Variants in RNF24 observed in about 807,000 individuals in gnomAD.
RNF24 encodes the protein ring finger protein 24.
Under a neutral mutation model 20.0 loss-of-function variants are expected in RNF24, and 14 were observed. The ratio of observed to expected loss-of-function variants is 0.70; its 90% CI spans 0.46 to 1.10. RNF24 has a LOEUF of 1.10. Among genes scored for constraint, RNF24 ranks in the 50% least tolerant of loss-of-function variants. RNF24 has a pLI of 0.00. For synonymous variants in RNF24, 45 were observed against 61.1 expected (o/e 0.74, Z 1.23); for missense variants, 124 against 177.6 (o/e 0.70, Z 1.71).
At position 3,933,078 on chromosome 20, in the gene RNF24, T is replaced by G. The variant is rs2090844293; in HGVS notation, c.*985A>C. 1 of 395,576 alleles carries G rather than the reference T, an allele frequency of 2.5e-6. No homozygotes were observed. Among genetic ancestry groups the G allele is most frequent in the South Asian group, 1.3e-4 (1 of 7,636 alleles). The allele number at this position is 395,576 out of a possible 1,614,324, so 24.5% of individuals were successfully genotyped here. On this transcript the variant is annotated 3_prime_UTR_variant, in exon 6 of 6. Coordinates refer to ENST00000358395, the MANE Select transcript of RNF24 (RefSeq NM_001134337.3). ...GAATGACAGGCTTTTTTTTTTTTTT[T>G]TTTTTTTTTCTGAAGTAGAAAGAGA... is the stretch of plus-strand genomic sequence containing the variant.
At chr20:3,973,304 T>C (rs1253752092) in intron 1 of RNF24, among the ~76,000 whole-genome samples, 3 of 151,086 alleles carry the variant, frequency 2.0e-5, no homozygotes, top group African/African-American at 7.3e-5. Context: ...AACGCACACA[T>C]AAGAAAATAA....
intron 1 of RNF24, among the ~76,000 whole-genome samples, chr20:4,000,982 T>C (rs990777807): frequency 1.3e-5 from 2 of 152,080 alleles, no homozygotes; most frequent in Non-Finnish European, 2.9e-5. Flanking sequence ...CAAAAATATA[T>C]GTGGCCAGGC....
intron 1 of RNF24, among the ~76,000 whole-genome samples, chr20:3,988,360 T>C (rs762767468): frequency 6.6e-6 from 1 of 151,678 alleles, no homozygotes; most frequent in Non-Finnish European, 1.5e-5. Flanking sequence ...ATAAAAAAAA[T>C]TGGTGTGTCC....
At chr20:4,014,789 C>T (rs1000394405) in intron 1 of RNF24, among the ~76,000 whole-genome samples, 3 of 149,656 alleles carry the variant, frequency 2.0e-5, no homozygotes, top group Non-Finnish European at 4.4e-5. Context: ...CATTAGGTCT[C>T]CAGAAACAAA....
At chr20:3,966,133 CAAAAAAAAAAA>C (rs574975352) in intron 1 of RNF24, among the ~76,000 whole-genome samples, 3 of 81,476 alleles carry the variant, frequency 3.7e-5, no homozygotes, top group East Asian at 4.1e-4. Context: ...GATTCCATCT[CAAAAAAAAAAA>C]AAAAAAAAAA....
intron 2 of RNF24, among the ~76,000 whole-genome samples, chr20:3,954,089 A>G (rs1195945452): frequency 6.6e-6 from 1 of 151,894 alleles, no homozygotes; most frequent in Non-Finnish European, 1.5e-5. Context: ...TCATTCTTTT[A>G]TTTTTACTCA....
chr20:4,003,789 T>G (rs560925813), intron 1 of RNF24, among the ~76,000 whole-genome samples: 1 of 151,848 alleles, frequency 6.6e-6, no homozygotes, highest in South Asian at 2.1e-4. Flanking sequence ...ATTACAGGCA[T>G]GTGCCACCAC....
intron 1 of RNF24, among the ~76,000 whole-genome samples, chr20:3,992,082 C>T (rs1208778568): frequency 5.3e-5 from 8 of 152,152 alleles, no homozygotes; most frequent in African/African-American, 1.7e-4. Context: ...TCCAGTGTAG[C>T]AATACAATAC....
rs2090847861 is a variant in RNF24 at position 3,933,299 on chromosome 20, A to G, written c.*764T>C. 1.0e-5 allele frequency: 4 copies of G among 397,652 alleles called. No homozygotes were observed. Among genetic ancestry groups the G allele is most frequent in the Non-Finnish European group, 1.8e-5 (4 of 226,100 alleles). The allele number at this position is 397,652 out of a possible 1,614,324, so 24.6% of individuals were successfully genotyped here. ...AGCAGCTACACTGGAACCACAGTGC[A>G]CATGTGGGGATGTGGGCAGCCTCCT... On this transcript the variant is annotated 3_prime_UTR_variant, in exon 6 of 6. Transcript: ENST00000358395.
At chr20:3,984,305 C>A (rs1319873769) in intron 1 of RNF24, among the ~76,000 whole-genome samples, 1 of 152,070 alleles carries the variant, frequency 6.6e-6, no homozygotes, top group Non-Finnish European at 1.5e-5. Context: ...CATTGAGTAC[C>A]TTTATGGCCT....
chr20:3,953,494 T>C (rs1191477545), intron 2 of RNF24, among the ~76,000 whole-genome samples: 4 of 148,518 alleles, frequency 2.7e-5, no homozygotes, highest in Non-Finnish European at 4.5e-5. Context: ...AGACGGAGTC[T>C]TGCTCTGTTG....
chr20:3,956,254 T>A (rs1331567119), intron 2 of RNF24, among the ~76,000 whole-genome samples: 2 of 151,516 alleles, frequency 1.3e-5, no homozygotes. Flanking sequence ...AATGTTAAGT[T>A]GTGTGTGTGT....
At chr20:3,940,106 G>A (rs1344517340) in intron 4 of RNF24, among the ~76,000 whole-genome samples, 1 of 151,938 alleles carries the variant, frequency 6.6e-6, no homozygotes. Context: ...TTACAGGCAT[G>A]CACCACCACA....
chr20:3,934,961 G>T lies in RNF24; in HGVS notation c.308+33C>A. On this transcript the variant is annotated intron_variant, in intron 5 of 5. Coordinates refer to ENST00000358395, the MANE Select transcript of RNF24 (RefSeq NM_001134337.3). The surrounding 1 kb of genome is among the most constrained non-coding windows in gnomAD (Gnocchi z 4.0). ...AGTTGGTTGATGTGCCTCAAACTCG[G>T]GTCCCATTAAGTAATTCCATACCAA... is the stretch of plus-strand genomic sequence containing the variant. 6.3e-7 allele frequency: 1 copy of T among 1,583,110 alleles called. No individual in the cohort carries two copies. Among genetic ancestry groups the T allele is most frequent in the South Asian group, 1.1e-5 (1 of 90,404 alleles).
intron 1 of RNF24, among the ~76,000 whole-genome samples, chr20:4,002,343 G>GC (rs1981481050): frequency 6.6e-6 from 1 of 151,682 alleles, no homozygotes; most frequent in African/African-American, 2.4e-5. Context: ...CCAAGATGGT[G>GC]CCACTGCACT....
intron 1 of RNF24, among the ~76,000 whole-genome samples, chr20:4,009,774 A>G (rs1219405977): frequency 6.6e-6 from 1 of 152,204 alleles, no homozygotes; most frequent in Non-Finnish European, 1.5e-5. Flanking sequence ...TGTAATATCC[A>G]GCCACTTGGG....
chr20:3,999,330 G>A (rs1981183470), intron 1 of RNF24, among the ~76,000 whole-genome samples: 1 of 152,058 alleles, frequency 6.6e-6, no homozygotes, highest in Non-Finnish European at 1.5e-5. Flanking sequence ...AGGAATGATG[G>A]GACATGAATC....
intron 1 of RNF24, among the ~76,000 whole-genome samples, chr20:3,979,031 G>A (rs1979152123): frequency 1.3e-5 from 2 of 150,328 alleles, no homozygotes; most frequent in Non-Finnish European, 3.0e-5. Flanking sequence ...AAGGCGGAGG[G>A]TGCAGTGAGC....
chr20:3,960,811 A>T (rs938767480), intron 2 of RNF24, among the ~76,000 whole-genome samples: 2 of 152,148 alleles, frequency 1.3e-5, no homozygotes, highest in African/African-American at 2.4e-5. Flanking sequence ...GCTTATTTTT[A>T]AATTTTTTAA....
Sources: gnomAD v4.1 joint callset for allele counts (sites outside exome capture counted in the v4.1 genomes callset) on GRCh38, gnomAD v4.1.1 for gene constraint, Gnocchi (gnomAD v3.1) non-coding constraint, MANE v1.5 for transcripts, NCBI Gene and HGNC (gene_info 2026-07-23, HGNC 2026-07-21) for gene names.